The following MCM9 variants were observed in gnomAD, a reference collection of about 807,000 sequenced individuals.
MCM9 encodes minichromosome maintenance 9 homologous recombination repair factor.
MCM9 carries 55 observed loss-of-function variants against 72.8 expected under a neutral mutation model. The ratio of observed to expected loss-of-function variants is 0.76; its 90% CI spans 0.61 to 0.95. The LOEUF (loss-of-function observed/expected upper bound fraction) is 0.95. Ranked by LOEUF, MCM9 falls within the 40% of genes least tolerant of loss-of-function variation. MCM9 has a pLI of 0.00. For missense variants in MCM9, 1,279 were observed against 1,377.0 expected (o/e 0.93, Z 1.13); for synonymous variants, 480 against 503.4 (o/e 0.95, Z 0.62).
In MCM9 at chr6:118,814,390, C is replaced by CAAAAAAAAA. The variant is rs59630533; in HGVS notation, c.*425_*433dup. On this transcript the variant is annotated 3_prime_UTR_variant, in exon 14 of 14. Transcript: ENST00000619706. ...ACTTAGCCCATTCCAGGTGAAAATA[C>CAAAAAAAAA]AAAAAAAAAAAAAAAAAGTAGAAAA... is the stretch of plus-strand genomic sequence containing the variant. 1.2e-5 allele frequency: 1 copy of CAAAAAAAAA among 80,364 alleles called. No individual in the cohort carries two copies. 5.0% of individuals were successfully genotyped at this position (80,364 alleles called of 1,614,324 possible).
At chr6:118,818,843 C>T (rs1206800294) in intron 13 of MCM9, among the ~76,000 whole-genome samples, 4 of 152,204 alleles carry the variant, frequency 2.6e-5, no homozygotes, top group African/African-American at 9.6e-5. Context: ...AGGTCTTTCA[C>T]ATCCCATGTA....
intron 10 of MCM9, 143 bp from the exon 11 acceptor site, chr6:118,828,273 A>AT: frequency 3.0e-6 from 2 of 656,602 alleles, no homozygotes; most frequent in Non-Finnish European, 2.6e-6. Flanking sequence ...TTGTCTGCAT[A>AT]GCATACAATC....
rs555872672 is a variant in MCM9, at chr6:118,858,345, C to T, written c.1151-1800G>A. ...GATAAAACTCTCAAAAAATTAGGAA[C>T]GGAAGAGAACTTCTTCAACTTGATA... On this transcript the variant is annotated intron_variant, in intron 8 of 13. Transcript: ENST00000619706. Among the ~76,000 whole-genome samples, 6 of 152,110 alleles carry T rather than the reference C, an allele frequency of 3.9e-5. No individual in the cohort carries two copies. In the East Asian group the frequency reaches 5.8e-4, roughly 15 times the overall value.
intron 13 of MCM9, among the ~76,000 whole-genome samples, chr6:118,824,433 C>G (rs1222773934): frequency 2.0e-5 from 3 of 151,430 alleles, no homozygotes; most frequent in Non-Finnish European, 4.4e-5. Flanking sequence ...CTCAGCCTCC[C>G]GAGTAGCTGG....
intron 9 of MCM9, among the ~76,000 whole-genome samples, chr6:118,851,388 G>A (rs1039115296): frequency 2.0e-5 from 3 of 151,676 alleles, no homozygotes; most frequent in South Asian, 2.1e-4. Flanking sequence ...TCAAGATGGA[G>A]AAATAAAAGG....
At chr6:118,854,780 G>GT (rs1776452889) in intron 9 of MCM9, among the ~76,000 whole-genome samples, 1 of 152,100 alleles carries the variant, frequency 6.6e-6, no homozygotes, top group Non-Finnish European at 1.5e-5. Flanking sequence ...TATGCTTTTT[G>GT]TTTTTTAGTC....
Position 118,816,108 on chromosome 6 carries a change from G to C in MCM9, c.2148C>G (p.Pro716=). 1 of 1,550,308 alleles carries C rather than the reference G, an allele frequency of 6.5e-7. No individual in the cohort carries two copies. Among genetic ancestry groups the C allele is most frequent in the Non-Finnish European group, 8.7e-7 (1 of 1,146,836 alleles). The part of the protein sequence containing the change: ...GSPEGSPVLD[P]PPHLEPNRST... The stretch of plus-strand genomic sequence containing the variant: ...ATCTATTAGGCTCCAGATGCGGTGG[G>C]GGATCTAGAACTGGGCTTCCCTCGG... The change falls in exon 14 of 14, where the codon CCC becomes CCG. Residue 716 remains proline (P), a synonymous_variant. Coordinates refer to ENST00000619706, the MANE Select transcript of MCM9 (RefSeq NM_017696.3).
chr6:118,882,941 A>G (rs1049440308), intron 8 of MCM9, among the ~76,000 whole-genome samples: 58 of 152,290 alleles, frequency 3.8e-4, no homozygotes, highest in African/African-American at 1.3e-3. Flanking sequence ...ATGTGCAAAA[A>G]AACAGGAAAA....
At chr6:118,916,155 C>T (rs1454985993) in intron 6 of MCM9, among the ~76,000 whole-genome samples, 1 of 150,498 alleles carries the variant, frequency 6.6e-6, no homozygotes, top group Non-Finnish European at 1.5e-5. Context: ...GAGTTCAAGA[C>T]CAGCCTGGGA....
At chr6:118,823,658 G>A (rs972340239) in intron 13 of MCM9, among the ~76,000 whole-genome samples, 1 of 152,122 alleles carries the variant, frequency 6.6e-6, no homozygotes, top group Admixed American at 6.6e-5. Flanking sequence ...AGCCTTTCCT[G>A]ACAACCTAGA....
chr6:118,824,913 A>G (rs889586241), intron 13 of MCM9, among the ~76,000 whole-genome samples: 11 of 152,170 alleles, frequency 7.2e-5, no homozygotes, highest in Admixed American at 2.0e-4. Context: ...ATACCAGTAG[A>G]AAAAAACATT....
At chr6:118,910,786 T>C (rs1780488256) in intron 8 of MCM9, 5 of 985,322 alleles carry the variant, frequency 5.1e-6, no homozygotes, top group South Asian at 4.7e-5. Flanking sequence ...TTGAGTTATA[T>C]TTCAAAACCT....
intron 9 of MCM9, among the ~76,000 whole-genome samples, chr6:118,848,578 A>C (rs958286676): frequency 9.2e-5 from 14 of 151,878 alleles, no homozygotes; most frequent in African/African-American, 2.9e-4. Flanking sequence ...ACAAAGTCTA[A>C]AATACTTGCT....
intron 8 of MCM9, among the ~76,000 whole-genome samples, chr6:118,903,721 T>C (rs1416500068): frequency 1.3e-5 from 2 of 152,208 alleles, no homozygotes; most frequent in East Asian, 1.9e-4. Context: ...GGGAACAGTA[T>C]GTTAGAAGCA....
chr6:118,871,644 C>T (rs1020458841), intron 8 of MCM9, among the ~76,000 whole-genome samples: 3 of 152,338 alleles, frequency 2.0e-5, no homozygotes, highest in Non-Finnish European at 2.9e-5. Context: ...AGGCCAGGCA[C>T]GGTGGCTCAC....
At chr6:118,909,282 A>C (rs2114568563) in intron 8 of MCM9, 1 of 152,328 alleles carries the variant, frequency 6.6e-6, no homozygotes, top group African/African-American at 2.4e-5. Flanking sequence ...ATTCTGACTA[A>C]TTATAACAAT....
intron 3 of MCM9, among the ~76,000 whole-genome samples, chr6:118,929,076 T>C (rs552010735): frequency 2.0e-5 from 3 of 151,916 alleles, no homozygotes; most frequent in East Asian, 3.9e-4. Context: ...AAAAATTAGC[T>C]GGGCATGGTG....
At chr6:118,882,711 A>G (rs555110265) in intron 8 of MCM9, among the ~76,000 whole-genome samples, 1 of 150,188 alleles carries the variant, frequency 6.7e-6, no homozygotes, top group Non-Finnish European at 1.5e-5. Flanking sequence ...CCTAAGAGTG[A>G]CTGTACACAC....
At chr6:118,894,295 G>C (rs1350260441) in intron 8 of MCM9, 16 of 1,483,882 alleles carry the variant, frequency 1.1e-5, no homozygotes, top group Non-Finnish European at 1.3e-5. Context: ...TCAAGTCGCC[G>C]CTGCACGACG....
Sources: gnomAD v4.1 joint callset for allele counts (sites outside exome capture counted in the v4.1 genomes callset) on GRCh38, gnomAD v4.1.1 for gene constraint, MANE v1.5 for transcripts, NCBI Gene and HGNC (gene_info 2026-07-23, HGNC 2026-07-21) for gene names.